LINGO2: variants seen among roughly 807,000 people sequenced by gnomAD.
LINGO2 encodes leucine rich repeat and Ig domain containing 2, also known as leucine-rich repeat and immunoglobulin-like domain-containing nogo receptor-interacting protein 2.
Under a neutral mutation model 30.6 loss-of-function variants are expected in LINGO2, and 14 were observed. The ratio of observed to expected loss-of-function variants is 0.46; its 90% confidence interval spans 0.30 to 0.72. The LOEUF (loss-of-function observed/expected upper bound fraction) is 0.72. Ranked by LOEUF, LINGO2 falls within the 30% of genes least tolerant of loss-of-function variation. The probability of loss-of-function intolerance (pLI) is 0.07; values close to 1 mark genes in which losing one functional copy is unlikely to be tolerated. For missense variants in LINGO2, 729 were observed against 751.7 expected, an observed-to-expected ratio of 0.97 and a Z score of 0.35; for synonymous variants, 317 against 288.5, an observed-to-expected ratio of 1.10 and a Z score of -1.00.
chr9:28,198,847 A>G (rs1820112873), intron 4 of LINGO2, among the ~76,000 whole-genome samples: 1 of 150,296 alleles, frequency 6.7e-6, no homozygotes. Context: ...TTAGGATCTC[A>G]GAGTCAAAAT....
rs1425782433 is a variant in LINGO2, at chr9:27,950,017, A to G, written c.655T>C (p.Tyr219His). The G allele has an allele frequency of 5.6e-6, 9 of 1,614,002 alleles. No homozygotes were observed. Among genetic ancestry groups the G allele is most frequent in the Admixed American group, 5.0e-5 (3 of 60,002 alleles). ...AGGTGGAACAATCTTTTAAAGGCAT[A>G]CACAGGCATATTGTTGATATTGAGA... The change falls in exon 6 of 6, where the codon TAT becomes CAT. Residue 219 changes from tyrosine to histidine, a missense_variant. Tyr to His is a moderately conservative substitution (Grantham distance 83). Transcript: ENST00000379992.
At chr9:28,442,347 T>G (rs1364003930) in intron 2 of LINGO2, among the ~76,000 whole-genome samples, 8 of 151,892 alleles carry the variant, frequency 5.3e-5, no homozygotes, top group Non-Finnish European at 1.2e-4. Context: ...TCTCTGATTG[T>G]TTATGCTAAG....
At chr9:28,975,628 C>T in the LINGO2 span, among the ~76,000 whole-genome samples, 1 of 152,134 alleles carries the variant, frequency 6.6e-6, no homozygotes, top group Non-Finnish European at 1.5e-5. Flanking sequence ...TTTCATTATG[C>T]AGAATTATAA....
At chr9:28,636,886 G>A (rs1047919050) in intron 1 of LINGO2, among the ~76,000 whole-genome samples, 26 of 151,984 alleles carry the variant, frequency 1.7e-4, no homozygotes, top group African/African-American at 4.1e-4. Context: ...TTAGACATGA[G>A]GTCCTTGCCC....
chr9:28,462,342 C>T (rs1218476858), intron 2 of LINGO2, among the ~76,000 whole-genome samples: 1 of 146,456 alleles, frequency 6.8e-6, no homozygotes, highest in African/African-American at 2.5e-5. Context: ...AAACAAAAAC[C>T]AATGCCCTTA....
At chr9:28,687,591 A>G in the LINGO2 span, among the ~76,000 whole-genome samples, 1 of 152,084 alleles carries the variant, frequency 6.6e-6, no homozygotes, top group South Asian at 2.1e-4. Flanking sequence ...CAACATATGT[A>G]GGTCATTTGT....
At chr9:27,982,039 CTG>C (rs1171303132) in intron 5 of LINGO2, among the ~76,000 whole-genome samples, 3 of 151,846 alleles carry the variant, frequency 2.0e-5, no homozygotes, top group Admixed American at 6.6e-5. Flanking sequence ...TACAGAGTCT[CTG>C]TGAAAACTGA....
chr9:27,952,521 C>CAT lies in LINGO2; in HGVS notation c.-35-1817_-35-1816dup, dbSNP rs376565085. Among the ~76,000 whole-genome samples the CAT allele has an allele frequency of 2.4e-3, 369 of 151,930 alleles. 1 individual carries two copies. The highest frequency in any genetic ancestry group is 8.6e-3 in the African/African-American group (355 of 41,504). On this transcript the variant is annotated intron_variant, in intron 5 of 5. Transcript: ENST00000379992. ...GTAAAAAAATTATGAAAACACCTGC[C>CAT]ATACAATGCATTCACACATAAGATA...
At chr9:29,003,164 T>G in the LINGO2 span, among the ~76,000 whole-genome samples, 2,826 of 152,152 alleles carry the variant, frequency 0.019, 98 homozygotes, top group African/African-American at 0.065. Flanking sequence ...AGCCTGGTTC[T>G]GCTGACATCC....
At chr9:28,643,531 A>G (rs1312836295) in intron 1 of LINGO2, among the ~76,000 whole-genome samples, 1 of 152,110 alleles carries the variant, frequency 6.6e-6, no homozygotes, top group Non-Finnish European at 1.5e-5. Flanking sequence ...ATGCAAAAAT[A>G]AAGTCAAAAT....
chr9:29,010,898 T>C, the LINGO2 span, among the ~76,000 whole-genome samples: 4 of 151,698 alleles, frequency 2.6e-5, no homozygotes, highest in East Asian at 3.9e-4. Flanking sequence ...GAAAAACAAA[T>C]AAATAAATAA....
intron 4 of LINGO2, among the ~76,000 whole-genome samples, chr9:28,092,481 G>T (rs1248259099): frequency 6.8e-6 from 1 of 147,706 alleles, no homozygotes; most frequent in Non-Finnish European, 1.5e-5. Context: ...TCACTCATAG[G>T]TGGGAACTGA....
the LINGO2 span, among the ~76,000 whole-genome samples, chr9:29,173,253 A>G: frequency 6.6e-6 from 1 of 152,206 alleles, no homozygotes; most frequent in Non-Finnish European, 1.5e-5. Context: ...TTCTGGAAAT[A>G]AAGAATAAGA....
At chr9:28,058,807 G>T (rs1237102984) in intron 4 of LINGO2, among the ~76,000 whole-genome samples, 1 of 152,032 alleles carries the variant, frequency 6.6e-6, no homozygotes, top group East Asian at 1.9e-4. Flanking sequence ...ATAGTATAAA[G>T]ACATTGCAAT....
At chr9:28,517,098 T>C (rs1263611132) in intron 1 of LINGO2, among the ~76,000 whole-genome samples, 1 of 152,188 alleles carries the variant, frequency 6.6e-6, no homozygotes, top group Admixed American at 6.5e-5. Context: ...TTTTTCAAGG[T>C]GATTAAGCTG....
In LINGO2 at chr9:28,415,057, A is replaced by G. The variant is rs78758766; in HGVS notation, c.-278-42189T>C. On this transcript the variant is annotated intron_variant, in intron 2 of 5. Transcript: ENST00000379992. ...TTAATTATACTGTTAAGTGACAATA[A>G]TCAGAACACATATAAAAAAAGAGAA... 9.7e-4 allele frequency among the ~76,000 whole-genome samples: 147 copies of G among 152,284 alleles called. 1 individual carries two copies. The East Asian group carries it at 0.012, about 12-fold the overall frequency.
At chr9:28,206,477 T>A (rs907239585) in intron 4 of LINGO2, among the ~76,000 whole-genome samples, 1 of 152,162 alleles carries the variant, frequency 6.6e-6, no homozygotes, top group African/African-American at 2.4e-5. Context: ...GCCTGCACTG[T>A]CCAAGGTTTC....
At chr9:27,938,238 G>C in the LINGO2 span, 1 of 152,094 alleles carries the variant, frequency 6.6e-6, no homozygotes, top group South Asian at 2.1e-4. Context: ...TAAGCCAATC[G>C]ATGGCCAACA....
At chr9:28,088,298 T>C (rs1825973080) in intron 4 of LINGO2, among the ~76,000 whole-genome samples, 1 of 151,736 alleles carries the variant, frequency 6.6e-6, no homozygotes, top group South Asian at 2.1e-4. Flanking sequence ...CACCTGAAGT[T>C]CAGTTACATA....
Sources: allele counts gnomAD v4.1 joint callset (sites outside exome capture counted in the v4.1 genomes callset), GRCh38; gene constraint gnomAD v4.1.1; transcripts MANE v1.5; gene names NCBI Gene and HGNC (gene_info 2026-07-23, HGNC 2026-07-21).